The following NAV1 variants were observed in gnomAD, a reference collection of about 807,000 sequenced individuals.
The protein encoded by NAV1 is pore membrane and/or filament interacting like protein 3.
NAV1 carries 18 observed loss-of-function variants against 175.2 expected under a neutral mutation model. That is an observed-to-expected ratio of 0.10 (90% CI 0.07 to 0.15). NAV1 has a LOEUF of 0.15. NAV1 is among the 10% of genes least tolerant of loss of function. The pLI is 1.00. For missense variants in NAV1, 1,731 were observed against 2,436.6 expected (o/e 0.71, Z 6.10); for synonymous variants, 897 against 978.7 (o/e 0.92, Z 1.56).
intron 17 of NAV1, among the ~76,000 whole-genome samples, chr1:201,804,937 C>T (rs556764617): frequency 1.6e-4 from 24 of 152,112 alleles, no homozygotes; most frequent in South Asian, 4.1e-4. Flanking sequence ...TCAGCCTGGG[C>T]CTAACCTGAA....
rs777937048 is a variant in NAV1 at position 201,780,530 on chromosome 1, A to G, written c.1336A>G (p.Thr446Ala). Residue 446 changes from threonine to alanine, a missense_variant, in exon 4 of 30, where the codon ACT becomes GCT. Thr to Ala is a moderately conservative substitution (Grantham distance 58). This residue lies in a region of NAV1 where 634 missense variants were observed against 766.8 expected (regional missense o/e 0.83). Coordinates refer to ENST00000367296, the Ensembl canonical transcript of NAV1. ...ACTCAACTCCCTCCCAAGTACTCCC[A>G]CTGCTTCTCGCAGGAACTCAACAAT... is the stretch of plus-strand genomic sequence containing the variant. The G allele has an allele frequency of 2.5e-6, 4 of 1,614,094 alleles. No homozygotes were observed. In the South Asian group the frequency reaches 4.4e-5, roughly 18 times the overall value.
intron 3 of NAV1, among the ~76,000 whole-genome samples, chr1:201,749,399 C>A (rs1245743136): frequency 6.6e-6 from 1 of 152,150 alleles, no homozygotes; most frequent in Non-Finnish European, 1.5e-5. Context: ...TTTGTCTTTC[C>A]AAAATGGTTC....
chr1:201,649,332 G>T lies in NAV1; in HGVS notation c.664G>T (p.Gly222Cys). The T allele has an allele frequency of 6.2e-7, 1 of 1,612,106 alleles. No homozygotes were observed. The highest frequency in any genetic ancestry group is 8.5e-7 in the Non-Finnish European group (1 of 1,179,568). The change falls in exon 1 of 30, where the codon GGC becomes TGC. Residue 222 changes from glycine to cysteine, a missense_variant. By Grantham distance (159) the Gly-to-Cys change is radical (BLOSUM62 -3). Around this residue, in one of 13 missense-constraint regions of NAV1, gnomAD observed 487 missense variants for 581.3 expected, o/e 0.84. Coordinates refer to ENST00000367296, the Ensembl canonical transcript of NAV1. ...CTCTGGGCCTGTCCCCTCTGCCAAG[G>T]GCCAGGAGGAGCGCGCCTTCCTCAA...
chr1:201,612,839 G>A (rs946613608), intron 2 of NAV1, among the ~76,000 whole-genome samples: 1 of 152,130 alleles, frequency 6.6e-6, no homozygotes, highest in African/African-American at 2.4e-5. Context: ...GTGAGTGAGT[G>A]TGTGTATGTC....
At position 201,642,522 on chromosome 1, in the gene NAV1, T is replaced by TC. The variant is rs879739399; in HGVS notation, c.5-6112_5-6111insC. Among the ~76,000 whole-genome samples the TC allele has an allele frequency of 4.8e-3, 461 of 96,384 alleles. 13 individuals are homozygous for TC. Among genetic ancestry groups the TC allele is most frequent in the African/African-American group, 0.027 (412 of 15,192 alleles). 63.2% of individuals were successfully genotyped at this position (96,384 alleles called of 152,430 possible). ...CCACCGCACCCGGCCTCTTTCTTTCTTTTTTTCTTTCTTTCTTTCTTTCTT... is the reference window on the plus strand; with the variant it reads ...CCACCGCACCCGGCCTCTTTCTTTCTCTTTTTTCTTTCTTTCTTTCTTTCTT... On this transcript the variant is annotated intron_variant, in intron 2 of 29. Transcript: ENST00000367302.
In NAV1 at chr1:201,648,950, C is replaced by T. The variant is rs548139270; in HGVS notation, c.282C>T (p.Leu94=). Residue 94 remains leucine (L), a synonymous_variant, in exon 1 of 30, where the codon CTC becomes CTT. Transcript: ENST00000367296. Reference sequence around the variant, plus strand: ...GCAAGCAGAAGTCACTCACCAACCTCTCTTTTCTCACGGACTCCGAGAAAA... The same window carrying T: ...GCAAGCAGAAGTCACTCACCAACCTTTCTTTTCTCACGGACTCCGAGAAAA... The T allele has an allele frequency of 1.9e-6, 3 of 1,613,096 alleles. No individual in the cohort carries two copies. The Admixed American group carries it at 5.0e-5, about 27-fold the overall frequency.
chr1:201,648,667 G>T, exon 1 of NAV1: 1 of 1,399,076 alleles, frequency 7.1e-7, no homozygotes. Flanking sequence ...CTCGCGGGCA[G>T]AATGCTGGGC....
chr1:201,764,224 G>T (rs769349227), intron 3 of NAV1, among the ~76,000 whole-genome samples: 2 of 152,162 alleles, frequency 1.3e-5, no homozygotes, highest in Non-Finnish European at 2.9e-5. Context: ...GCTTATTTTC[G>T]TAACTTAATG....
intron 1 of NAV1, among the ~76,000 whole-genome samples, chr1:201,549,087 CT>C (rs1553236478): frequency 1.2e-4 from 13 of 106,226 alleles, no homozygotes; most frequent in South Asian, 3.8e-4. Context: ...CTCTTTCTTT[CT>C]TTCTTTCTTT....
intron 1 of NAV1, among the ~76,000 whole-genome samples, chr1:201,666,849 T>C (rs1669842285): frequency 6.6e-6 from 1 of 152,150 alleles, no homozygotes; most frequent in South Asian, 2.1e-4. Context: ...GGGCTCTGTG[T>C]GGGCTCCTTG....
chr1:201,739,859 T>G (rs2102549633), intron 3 of NAV1: 6 of 1,278,138 alleles, frequency 4.7e-6, no homozygotes, highest in Non-Finnish European at 5.0e-6. Context: ...GTACAAGCCC[T>G]GGTGGTGGGG....
At chr1:201,743,214 A>C (rs1001532165) in intron 3 of NAV1, among the ~76,000 whole-genome samples, 1 of 152,162 alleles carries the variant, frequency 6.6e-6, no homozygotes, top group African/African-American at 2.4e-5. Context: ...TGCTATAAGG[A>C]GACTATTCTT....
intron 3 of NAV1, among the ~76,000 whole-genome samples, chr1:201,746,896 C>T (rs112572321): frequency 3.6e-4 from 55 of 151,100 alleles, no homozygotes; most frequent in Middle Eastern, 3.4e-3. Context: ...TCCAGCTACT[C>T]GGGAGGCTGA....
At chr1:201,622,963 C>A in exon 1 of NAV1, 1 of 986,414 alleles carries the variant, frequency 1.0e-6, no homozygotes, top group Non-Finnish European at 1.2e-6. Context: ...TGCCTCTTCC[C>A]AGACCAGGAT....
intron 1 of NAV1, among the ~76,000 whole-genome samples, chr1:201,550,961 G>C (rs907272118): frequency 6.6e-6 from 1 of 152,190 alleles, no homozygotes; most frequent in East Asian, 1.9e-4. Flanking sequence ...CACTGCAAAG[G>C]TTCCTCTGGT....
intron 22 of NAV1, 70 bp downstream of exon 26, chr1:201,809,607 G>C (rs1004479138): frequency 6.9e-7 from 1 of 1,450,470 alleles, no homozygotes; most frequent in Non-Finnish European, 9.5e-7. Context: ...TTTAGAGACA[G>C]GGTCTCACTC....
At chr1:201,802,250 A>T (rs974062174) in intron 15 of NAV1, among the ~76,000 whole-genome samples, 2 of 139,752 alleles carry the variant, frequency 1.4e-5, no homozygotes, top group African/African-American at 5.2e-5. Context: ...GGTTGCAGTG[A>T]GCCAAGATCG....
chr1:201,552,369 G>A (rs1321942340), intron 1 of NAV1, among the ~76,000 whole-genome samples: 1 of 152,176 alleles, frequency 6.6e-6, no homozygotes, highest in Non-Finnish European at 1.5e-5. Context: ...GGTAAGGGAT[G>A]CCTTTAAGCT....
chr1:201,685,740 T>C (rs1168383427), intron 1 of NAV1, among the ~76,000 whole-genome samples: 2 of 152,174 alleles, frequency 1.3e-5, no homozygotes, highest in Non-Finnish European at 2.9e-5. Context: ...GACTTACAGA[T>C]CATTTTACAA....
Sources: allele counts gnomAD v4.1 joint callset (sites outside exome capture counted in the v4.1 genomes callset), GRCh38; gene constraint gnomAD v4.1.1; regional missense constraint gnomAD v4.1.1; transcripts MANE v1.5; gene names NCBI Gene and HGNC (gene_info 2026-07-23, HGNC 2026-07-21).